Variants in USP25 observed in about 807,000 individuals in gnomAD.
The protein encoded by USP25 is ubiquitin carboxyl-terminal hydrolase 25.
A neutral mutation model predicts 158.5 loss-of-function variants in USP25; 85 were observed. The observed-to-expected ratio is 0.54, with a 90% CI of 0.45 to 0.64. The LOEUF (loss-of-function observed/expected upper bound fraction) is 0.64. Among genes scored for constraint, USP25 ranks in the 30% least tolerant of loss-of-function variants. The pLI is 0.00. For synonymous variants in USP25, 464 were observed against 460.4 expected (o/e 1.01, Z -0.10); for missense variants, 1,242 against 1,327.3 (o/e 0.94, Z 1.00).
At chr21:15,772,641 T>C (rs961138940) in intron 3 of USP25, among the ~76,000 whole-genome samples, 1 of 152,252 alleles carries the variant, frequency 6.6e-6, no homozygotes, top group Non-Finnish European at 1.5e-5. Flanking sequence ...GTTTCTTTTG[T>C]AAGCATGTGA....
chr21:15,848,661 A>G (rs2038742659), intron 19 of USP25, among the ~76,000 whole-genome samples: 1 of 152,080 alleles, frequency 6.6e-6, no homozygotes, highest in African/African-American at 2.4e-5. Flanking sequence ...GACTTACTCC[A>G]ATGTTACTAT....
intron 22 of USP25, among the ~76,000 whole-genome samples, chr21:15,868,576 A>G (rs1210813700): frequency 6.6e-6 from 1 of 152,146 alleles, no homozygotes; most frequent in Non-Finnish European, 1.5e-5. Flanking sequence ...TAGATTCTGC[A>G]TATTCCTCCT....
chr21:15,846,150 ATATATATATTTTTT>A (rs2038593681), intron 18 of USP25, among the ~76,000 whole-genome samples: 1 of 61,146 alleles, frequency 1.6e-5, no homozygotes, highest in African/African-American at 1.5e-4. Flanking sequence ...ATATATATAT[ATATATATATTTTTT>A]TTTTTTTTTT....
chr21:15,730,976 GTTTTTTTTTTTTTT>G (rs748732727), intron 1 of USP25, among the ~76,000 whole-genome samples: 1 of 53,646 alleles, frequency 1.9e-5, no homozygotes, highest in Non-Finnish European at 3.4e-5. Flanking sequence ...CTTCTTTTCT[GTTTTTTTTTTTTTT>G]TTTTTTTTTT....
intron 22 of USP25, 37 bp downstream of exon 22, chr21:15,866,381 G>T: frequency 2.1e-6 from 3 of 1,449,834 alleles, no homozygotes; most frequent in South Asian, 2.8e-5. Flanking sequence ...TACAGATTTA[G>T]GGATTCTGTA....
intron 9 of USP25, among the ~76,000 whole-genome samples, chr21:15,814,983 G>T (rs2036862098): frequency 6.6e-6 from 1 of 152,158 alleles, no homozygotes; most frequent in African/African-American, 2.4e-5. Flanking sequence ...ACCCAGAGAA[G>T]CCTAGGAGGA....
intron 1 of USP25, among the ~76,000 whole-genome samples, chr21:15,739,747 G>A (rs1284145440): frequency 2.0e-5 from 3 of 152,132 alleles, no homozygotes; most frequent in African/African-American, 2.4e-5. Flanking sequence ...ACTGATTTTT[G>A]TTATGTTTGA....
chr21:15,838,069 G>T (rs1179333721), intron 17 of USP25, among the ~76,000 whole-genome samples: 2 of 151,866 alleles, frequency 1.3e-5, no homozygotes, highest in Non-Finnish European at 1.5e-5. Context: ...TGAGACTACA[G>T]GCATATACCA....
At chr21:15,823,203 CTTCTG>C (rs1156317434) in intron 10 of USP25, among the ~76,000 whole-genome samples, 4 of 152,034 alleles carry the variant, frequency 2.6e-5, no homozygotes, top group African/African-American at 7.2e-5. Flanking sequence ...CTATTTTATA[CTTCTG>C]TTCTTTGTTG....
chr21:15,762,190 T>C (rs2033771046), intron 1 of USP25, among the ~76,000 whole-genome samples: 1 of 133,038 alleles, frequency 7.5e-6, no homozygotes, highest in Admixed American at 7.2e-5. Context: ...TCATATCCAT[T>C]GTGATTTTTT....
chr21:15,832,805 T>G (rs1032857554), intron 16 of USP25, among the ~76,000 whole-genome samples: 2 of 151,526 alleles, frequency 1.3e-5, no homozygotes, highest in African/African-American at 2.4e-5. Flanking sequence ...GATCATGAGG[T>G]CAGGAGATCG....
At chr21:15,822,720 A>G (rs2037293877) in intron 10 of USP25, among the ~76,000 whole-genome samples, 1 of 152,018 alleles carries the variant, frequency 6.6e-6, no homozygotes, top group Non-Finnish European at 1.5e-5. Flanking sequence ...GTGGATTAGA[A>G]CTAACTCAAA....
At chr21:15,802,539 A>T (rs947490420) in intron 6 of USP25, among the ~76,000 whole-genome samples, 3 of 151,622 alleles carry the variant, frequency 2.0e-5, no homozygotes, top group Middle Eastern at 3.2e-3. Flanking sequence ...ATTCACCTCT[A>T]AATATCCCAA....
chr21:15,867,807 G>C (rs753317555), intron 22 of USP25, among the ~76,000 whole-genome samples: 1 of 152,078 alleles, frequency 6.6e-6, no homozygotes, highest in Non-Finnish European at 1.5e-5. Flanking sequence ...CAAAAGGTGC[G>C]TGTGACTTCT....
At position 15,879,615 on chromosome 21, in the gene USP25, TTAAAGG is replaced by T. The variant is rs1172248071; in HGVS notation, c.*1144_*1149del. 1.2e-4 allele frequency: 19 copies of T among 152,548 alleles called. No homozygotes were observed. Among genetic ancestry groups the T allele is most frequent in the African/African-American group, 4.6e-4 (19 of 41,454 alleles). The allele number at this position is 152,548 out of a possible 1,614,324, so 9.4% of individuals were successfully genotyped here. A position where few individuals can be genotyped will look rare whatever the true frequency, so the allele number is the denominator to read the frequency against. On this transcript the variant is annotated 3_prime_UTR_variant, in exon 26 of 26. Coordinates refer to ENST00000400183, the MANE Select transcript of USP25 (RefSeq NM_001283041.3). Reference sequence around the variant, plus strand: ...GTGAATGAAAATCAAAATCCATACTTTAAAGGTAATCATGTTACTAACAACCTATTT... The same window carrying T: ...GTGAATGAAAATCAAAATCCATACTTTAATCATGTTACTAACAACCTATTT...
intron 9 of USP25, among the ~76,000 whole-genome samples, chr21:15,815,606 T>TTAAAATTTGACTGC (rs1299284165): frequency 6.6e-6 from 1 of 152,168 alleles, no homozygotes; most frequent in African/African-American, 2.4e-5. Flanking sequence ...TTTCAGAGCC[T>TTAAAATTTGACTGC]TAAAATTTGA....
At chr21:15,848,641 CT>C (rs2038742069) in intron 19 of USP25, among the ~76,000 whole-genome samples, 1 of 151,886 alleles carries the variant, frequency 6.6e-6, no homozygotes, top group East Asian at 1.9e-4. Context: ...TTTCACGTAA[CT>C]TTTTTTCTGA....
At chr21:15,851,376 A>G (rs1394305507) in intron 20 of USP25, among the ~76,000 whole-genome samples, 2 of 152,006 alleles carry the variant, frequency 1.3e-5, no homozygotes, top group Non-Finnish European at 2.9e-5. Context: ...TAAATAGAAT[A>G]TTTGGGTTTT....
At chr21:15,783,548 G>A (rs2035089047) in intron 4 of USP25, among the ~76,000 whole-genome samples, 1 of 152,148 alleles carries the variant, frequency 6.6e-6, no homozygotes, top group African/African-American at 2.4e-5. Flanking sequence ...AGCAGAGACT[G>A]CACAAGACAG....
Sources: gnomAD v4.1 joint callset for allele counts (sites outside exome capture counted in the v4.1 genomes callset) on GRCh38, gnomAD v4.1.1 for gene constraint, MANE v1.5 for transcripts, NCBI Gene and HGNC (gene_info 2026-07-23, HGNC 2026-07-21) for gene names.